Variants in CRYBG1 observed in about 807,000 individuals in gnomAD.
CRYBG1 encodes crystallin beta-gamma domain containing 1, also known as beta/gamma crystallin domain-containing protein 1.
Under a neutral mutation model 189.2 loss-of-function variants are expected in CRYBG1, and 139 were observed. That is an observed-to-expected ratio of 0.73 (90% CI 0.64 to 0.85). CRYBG1 has a LOEUF of 0.85. Among genes scored for constraint, CRYBG1 ranks in the 40% least tolerant of loss-of-function variants. CRYBG1 has a pLI of 0.00. For missense variants in CRYBG1, 2,611 were observed against 2,675.8 expected (o/e 0.98, Z 0.53); for synonymous variants, 1,023 against 1,017.1 (o/e 1.01, Z -0.11).
chr6:106,478,646 G>A (rs1235170242), intron 2 of CRYBG1, among the ~76,000 whole-genome samples: 1 of 152,138 alleles, frequency 6.6e-6, no homozygotes, highest in Non-Finnish European at 1.5e-5. Context: ...CCGACCCCTG[G>A]ACCATAGACC....
chr6:106,380,527 C>G (rs1300524439), intron 1 of CRYBG1, among the ~76,000 whole-genome samples: 2 of 152,140 alleles, frequency 1.3e-5, no homozygotes, highest in African/African-American at 4.8e-5. Context: ...CTGTGACAAC[C>G]TTTGGAAATT....
chr6:106,538,892 C>CAAAAAAAAA (rs56951856), intron 8 of CRYBG1, among the ~76,000 whole-genome samples: 1 of 147,084 alleles, frequency 6.8e-6, no homozygotes. Flanking sequence ...AAGACTCCGT[C>CAAAAAAAAA]AAAAAAAAAA....
intron 8 of CRYBG1, among the ~76,000 whole-genome samples, chr6:106,533,416 A>G (rs1387474706): frequency 1.3e-5 from 2 of 152,240 alleles, no homozygotes; most frequent in Non-Finnish European, 2.9e-5. Flanking sequence ...TCTACGTGGC[A>G]TGGAGAATCA....
intron 1 of CRYBG1, among the ~76,000 whole-genome samples, chr6:106,381,662 T>C (rs6568433): frequency 0.48 from 72,949 of 152,084 alleles, 17,831 homozygotes; most frequent in African/African-American, 0.56. Context: ...AAATTCTGGA[T>C]ACCATTGCAG....
intron 2 of CRYBG1, among the ~76,000 whole-genome samples, chr6:106,471,539 A>C (rs1562316136): frequency 1.3e-5 from 2 of 152,176 alleles, no homozygotes; most frequent in African/African-American, 4.8e-5. Flanking sequence ...TGGGTAAAGA[A>C]GTGGCTGGGG....
At chr6:106,555,423 TGAA>T (rs749096915) in intron 16 of CRYBG1, among the ~76,000 whole-genome samples, 3 of 152,050 alleles carry the variant, frequency 2.0e-5, no homozygotes, top group Admixed American at 6.6e-5. Flanking sequence ...TCACAAAGCT[TGAA>T]GAAGGATTAT....
chr6:106,418,854 G>A (rs1771074630), intron 1 of CRYBG1, among the ~76,000 whole-genome samples: 1 of 152,198 alleles, frequency 6.6e-6, no homozygotes, highest in African/African-American at 2.4e-5. Flanking sequence ...GCAGAGAGGG[G>A]CACCCGAGTG....
chr6:106,438,850 A>AT (rs1771516710), intron 1 of CRYBG1, among the ~76,000 whole-genome samples: 1 of 152,102 alleles, frequency 6.6e-6, no homozygotes, highest in South Asian at 2.1e-4. Flanking sequence ...CAGTTATGTG[A>AT]TTTTCTCATA....
In CRYBG1 at chr6:106,520,285, G is replaced by T. The variant is rs753669887; in HGVS notation, c.3077G>T (p.Gly1026Val). The change falls in exon 4 of 22, where the codon GGC becomes GTC. Residue 1026 changes from glycine to valine, a missense_variant. By Grantham distance (109) the Gly-to-Val change is moderately radical (BLOSUM62 -3). Transcript: ENST00000633556. ...ACAGCAGAGCTCGCGGCAAAATCTGGCCCACAAGTCATACCGCCAGCATCA... is the reference window on the plus strand; with the variant it reads ...ACAGCAGAGCTCGCGGCAAAATCTGTCCCACAAGTCATACCGCCAGCATCA... ...HCTAELAAKSGPQVIPPASEK... is the reference protein window; with the variant it reads ...HCTAELAAKSVPQVIPPASEK... The T allele has an allele frequency of 1.5e-5, 24 of 1,614,122 alleles. 1 individual carries two copies. The highest frequency in any genetic ancestry group is 3.3e-4 in the Middle Eastern group (2 of 6,062).
In CRYBG1 at chr6:106,521,219, G is replaced by C. The variant is rs1773602560; in HGVS notation, c.4011G>C (p.Glu1337Asp). 1 of 1,614,030 alleles carries C rather than the reference G, an allele frequency of 6.2e-7. No individual in the cohort carries two copies. The highest frequency in any genetic ancestry group is 8.5e-7 in the Non-Finnish European group (1 of 1,179,988). The change falls in exon 4 of 22, where the codon GAG becomes GAC. Residue 1337 changes from glutamate to aspartate, a missense_variant. Coordinates refer to ENST00000633556, the MANE Select transcript of CRYBG1 (RefSeq NM_001371242.2). Reference sequence around the variant, plus strand: ...ACATGGAAAAATACCCGCAAAAAGAGAAAACCAAAGAAGATCTGGATTCAC... The same window carrying C: ...ACATGGAAAAATACCCGCAAAAAGACAAAACCAAAGAAGATCTGGATTCAC... ...PSHMEKYPQK[E>D]KTKEDLDSRS... is the part of the protein sequence containing the mutation.
rs188525903 is a variant in CRYBG1, at chr6:106,369,700, C to T, written c.173+8619C>T. On this transcript the variant is annotated intron_variant, in intron 1 of 21. Coordinates refer to ENST00000633556, the MANE Select transcript of CRYBG1 (RefSeq NM_001371242.2). ...TAACTTCAGACCATGTCTGTGAAAA[C>T]ATTGTTTCCCATCAATATTTGATTG... Among the ~76,000 whole-genome samples the T allele has an allele frequency of 2.6e-5, 4 of 152,274 alleles. No homozygotes were observed. The East Asian group carries it at 7.7e-4, about 29-fold the overall frequency.
intron 15 of CRYBG1, among the ~76,000 whole-genome samples, chr6:106,553,122 G>A (rs777798944): frequency 1.3e-5 from 2 of 152,176 alleles, no homozygotes; most frequent in Non-Finnish European, 1.5e-5. Flanking sequence ...ACTGTTTGTC[G>A]TTAATGTCAG....
intron 2 of CRYBG1, among the ~76,000 whole-genome samples, chr6:106,465,737 C>T (rs79643603): frequency 0.024 from 3,707 of 152,210 alleles, 147 homozygotes; most frequent in African/African-American, 0.085. Flanking sequence ...TTAAAAGAAA[C>T]TGTATCACAT....
intron 1 of CRYBG1, among the ~76,000 whole-genome samples, chr6:106,387,894 G>A (rs1033322938): frequency 6.6e-6 from 1 of 152,168 alleles, no homozygotes. Context: ...GAATTCTCAG[G>A]TGCTCTAAAG....
At chr6:106,563,183 A>C (rs75550988) in intron 20 of CRYBG1, among the ~76,000 whole-genome samples, 5,008 of 152,276 alleles carry the variant, frequency 0.033, 272 homozygotes, top group East Asian at 0.19. Context: ...GGCTCATAAA[A>C]TCTTTGCATT....
At chr6:106,501,435 T>C (rs181920186) in intron 2 of CRYBG1, among the ~76,000 whole-genome samples, 106 of 152,338 alleles carry the variant, frequency 7.0e-4, no homozygotes, top group Middle Eastern at 3.4e-3. Context: ...ATTAGCTCTG[T>C]TAGAAACTAC....
chr6:106,536,046 A>ATGCGTTTGATT (rs1370373195), intron 8 of CRYBG1, among the ~76,000 whole-genome samples: 1 of 149,468 alleles, frequency 6.7e-6, no homozygotes, highest in Admixed American at 6.7e-5. Context: ...GGCCTCCCAA[A>ATGCGTTTGATT]GTGCTGGGAT....
chr6:106,462,231 C>T (rs1186581599), intron 2 of CRYBG1, among the ~76,000 whole-genome samples: 2 of 152,086 alleles, frequency 1.3e-5, no homozygotes, highest in African/African-American at 2.4e-5. Context: ...AGTGCAGTGG[C>T]GCTATCTCGG....
chr6:106,522,664 G>A (rs1216849127), intron 4 of CRYBG1, among the ~76,000 whole-genome samples: 2 of 152,138 alleles, frequency 1.3e-5, no homozygotes, highest in Non-Finnish European at 2.9e-5. Flanking sequence ...CTGTGAACCC[G>A]GCTGTCTGGC....
Sources: allele counts gnomAD v4.1 joint callset (sites outside exome capture counted in the v4.1 genomes callset), GRCh38; gene constraint gnomAD v4.1.1; transcripts MANE v1.5; gene names NCBI Gene and HGNC (gene_info 2026-07-23, HGNC 2026-07-21).